The following PDXDC1 variants were observed in gnomAD, a reference collection of about 807,000 sequenced individuals.
The protein encoded by PDXDC1 is pyridoxal dependent decarboxylase domain containing 1.
In PDXDC1, 42 loss-of-function variants were observed where a neutral mutation model predicts 100.1. The observed-to-expected ratio is 0.42, with a 90% CI of 0.33 to 0.54. The LOEUF (loss-of-function observed/expected upper bound fraction) is 0.54. Ranked by LOEUF, PDXDC1 falls within the 20% of genes least tolerant of loss-of-function variation. PDXDC1 has a pLI of 0.10. For synonymous variants in PDXDC1, 260 were observed against 371.7 expected (o/e 0.70, Z 3.46); for missense variants, 636 against 979.2 (o/e 0.65, Z 4.68).
chr16:15,085,834 G>C (rs931284432), intron 16 of PDXDC1: 3 of 1,285,766 alleles, frequency 2.3e-6, no homozygotes, highest in African/African-American at 3.0e-5. Flanking sequence ...TTAGCCCAAT[G>C]ATTAATTAAA....
chr16:15,036,461 G>A lies in PDXDC1; in HGVS notation c.*186G>A. The A allele has an allele frequency of 3.8e-6, 2 of 527,304 alleles. No homozygotes were observed. The highest frequency in any genetic ancestry group is 4.4e-5 in the South Asian group (2 of 45,266). 32.7% of individuals were successfully genotyped at this position (527,304 alleles called of 1,614,324 possible). A position where few individuals can be genotyped will look rare whatever the true frequency, so the allele number is the denominator to read the frequency against. Reference sequence around the variant, plus strand: ...GGGGAGTCAGCTTGTCTAACTTCATGTACATGTAGAACCACGTTTGCTGTC... The same window carrying A: ...GGGGAGTCAGCTTGTCTAACTTCATATACATGTAGAACCACGTTTGCTGTC... On this transcript the variant is annotated 3_prime_UTR_variant, in exon 23 of 23. Coordinates refer to ENST00000396410, the MANE Select transcript of PDXDC1 (RefSeq NM_015027.4).
intron 16 of PDXDC1, among the ~76,000 whole-genome samples, chr16:15,122,881 A>T (rs1473999309): frequency 2.1e-5 from 2 of 94,798 alleles, no homozygotes; most frequent in Non-Finnish European, 4.7e-5. Flanking sequence ...AAGGGAAAGG[A>T]GAAGGGGGCT....
chr16:15,068,082 A>G (rs1030560359), intron 16 of PDXDC1: 584 of 1,457,884 alleles, frequency 4.0e-4, no homozygotes, highest in Non-Finnish European at 5.3e-4. Flanking sequence ...TACTAATTTC[A>G]TAGAAATTTA....
intron 16 of PDXDC1, chr16:15,132,915 G>A: frequency 6.3e-7 from 1 of 1,587,264 alleles, no homozygotes; most frequent in South Asian, 1.1e-5. Context: ...AGCAGGGCAG[G>A]AGACCGGCAG....
chr16:15,010,915 A>G (rs1460645447), intron 8 of PDXDC1, among the ~76,000 whole-genome samples: 1 of 152,292 alleles, frequency 6.6e-6, no homozygotes, highest in Non-Finnish European at 1.5e-5. Flanking sequence ...GAGAACTAAG[A>G]ATGTTACTGA....
intron 1 of PDXDC1, among the ~76,000 whole-genome samples, chr16:14,991,031 T>C (rs1787943657): frequency 6.6e-6 from 1 of 152,294 alleles, no homozygotes; most frequent in African/African-American, 2.4e-5. Flanking sequence ...CGTGAGCCAC[T>C]GCGCCCGGCC....
chr16:15,128,891 C>T (rs1235181214), intron 16 of PDXDC1, among the ~76,000 whole-genome samples: 5 of 150,012 alleles, frequency 3.3e-5, no homozygotes, highest in Non-Finnish European at 1.5e-5. Context: ...CTGCAAGCTC[C>T]GCCTCCCGGG....
intron 16 of PDXDC1, among the ~76,000 whole-genome samples, chr16:15,126,362 T>C (rs1172220918): frequency 1.3e-4 from 12 of 95,876 alleles, no homozygotes; most frequent in East Asian, 2.8e-4. Flanking sequence ...TTAACTTAAA[T>C]ACGAGCAGCC....
At chr16:14,988,166 G>A (rs1188445399) in intron 1 of PDXDC1, 45 of 1,564,990 alleles carry the variant, frequency 2.9e-5, no homozygotes, top group Non-Finnish European at 3.9e-5. Flanking sequence ...CAAAGGGCGG[G>A]TGCTTCCAAA....
chr16:15,033,980 G>A (rs924349448), intron 19 of PDXDC1: 4 of 485,546 alleles, frequency 8.2e-6, no homozygotes, highest in East Asian at 7.0e-5. Context: ...TTGGACATGC[G>A]GCCGAGAAGC....
downstream of PDXDC1, chr16:15,040,376 G>A: frequency 6.3e-6 from 2 of 318,486 alleles, no homozygotes; most frequent in Non-Finnish European, 1.1e-5. Flanking sequence ...CCCTACTGGT[G>A]TACGGCCAGG....
downstream of PDXDC1, among the ~76,000 whole-genome samples, chr16:15,042,911 T>A: frequency 6.6e-6 from 1 of 150,602 alleles, no homozygotes; most frequent in Admixed American, 6.6e-5. Context: ...TTTTTTTTTT[T>A]TTTTTTGAGA....
At chr16:14,975,017 C>A (rs1396907908), upstream of PDXDC1, 2 of 1,533,212 alleles carry the variant, frequency 1.3e-6, no homozygotes, top group Admixed American at 4.0e-5. Context: ...CGGGGCCCCG[C>A]CCCGCCGCCT....
chr16:15,083,424 T>A, intron 16 of PDXDC1: 1 of 1,558,686 alleles, frequency 6.4e-7, no homozygotes, highest in Non-Finnish European at 8.7e-7. Context: ...AAAGAAAGAC[T>A]GGAAAAGAAA....
chr16:14,991,242 A>C (rs186258362), intron 1 of PDXDC1, among the ~76,000 whole-genome samples: 1 of 152,050 alleles, frequency 6.6e-6, no homozygotes, highest in Non-Finnish European at 1.5e-5. Context: ...GTGTGTATAT[A>C]TATGTATTAT....
intron 16 of PDXDC1, among the ~76,000 whole-genome samples, chr16:15,071,624 C>T (rs1396837986): frequency 2.0e-5 from 3 of 152,052 alleles, no homozygotes; most frequent in Admixed American, 6.6e-5. Flanking sequence ...AAAAATTAGC[C>T]AGGCATGGTG....
intron 8 of PDXDC1, among the ~76,000 whole-genome samples, chr16:15,014,275 A>G (rs1202531904): frequency 2.0e-5 from 3 of 152,262 alleles, no homozygotes; most frequent in Non-Finnish European, 2.9e-5. Flanking sequence ...CAGGAAAACC[A>G]TCACTTCCTG....
At chr16:15,146,676 G>C in the PDXDC1 span, among the ~76,000 whole-genome samples, 1 of 152,148 alleles carries the variant, frequency 6.6e-6, no homozygotes, top group African/African-American at 2.4e-5. Flanking sequence ...CCAGTGTCCG[G>C]TCTAAGCACA....
At chr16:15,074,073 A>G (rs1003875257) in intron 16 of PDXDC1, among the ~76,000 whole-genome samples, 4 of 152,200 alleles carry the variant, frequency 2.6e-5, no homozygotes, top group African/African-American at 9.7e-5. Context: ...AAATGCTCAC[A>G]ATGGTTCTCT....
Sources: allele counts gnomAD v4.1 joint callset (sites outside exome capture counted in the v4.1 genomes callset), GRCh38; gene constraint gnomAD v4.1.1; transcripts MANE v1.5; gene names NCBI Gene and HGNC (gene_info 2026-07-23, HGNC 2026-07-21).